The following COL5A1 variants were observed in gnomAD, a reference collection of about 807,000 sequenced individuals.
COL5A1 encodes the protein collagen type V alpha 1 chain, also known as collagen alpha-1(V) chain.
In COL5A1, 16 loss-of-function variants were observed where a neutral mutation model predicts 263.7. That is an observed-to-expected ratio of 0.06 (90% CI 0.04 to 0.09). The LOEUF (loss-of-function observed/expected upper bound fraction) is 0.09. COL5A1 is among the 10% of genes least tolerant of loss of function. The probability of loss-of-function intolerance (pLI) is 1.00; values close to 1 mark genes in which losing one functional copy is unlikely to be tolerated. For synonymous variants in COL5A1, 1,012 were observed against 1,004.5 expected (o/e 1.01, Z -0.14); for missense variants, 2,036 against 2,540.5 (o/e 0.80, Z 4.27).
chr9:134,745,813 C>T (rs567121902), intron 11 of COL5A1, among the ~76,000 whole-genome samples: 4 of 152,220 alleles, frequency 2.6e-5, no homozygotes, highest in South Asian at 2.1e-4. Context: ...TAGGCAGGGC[C>T]GCACCCCCTC....
intron 4 of COL5A1, among the ~76,000 whole-genome samples, chr9:134,703,643 T>G (rs1459666774): frequency 1.4e-4 from 19 of 137,834 alleles, no homozygotes; most frequent in African/African-American, 3.2e-4. Context: ...TTTTTTTTTT[T>G]TTTTTTTTTT....
chr9:134,793,502 C>T (rs1015141786), intron 32 of COL5A1, among the ~76,000 whole-genome samples: 3 of 152,082 alleles, frequency 2.0e-5, no homozygotes, highest in Admixed American at 6.6e-5. Context: ...GATGGCGTTG[C>T]GGTCGAGCCG....
At chr9:134,699,466 TCCCTCCCTCC>T (rs2132568496) in intron 2 of COL5A1, among the ~76,000 whole-genome samples, 1 of 150,472 alleles carries the variant, frequency 6.6e-6, no homozygotes, top group African/African-American at 2.5e-5. Context: ...TCCGTCTCTC[TCCCTCCCTCC>T]CCCTCCCTCC....
intron 18 of COL5A1, among the ~76,000 whole-genome samples, chr9:134,759,850 C>T (rs1378389133): frequency 1.4e-5 from 1 of 72,668 alleles, no homozygotes. Flanking sequence ...ACGCACACCC[C>T]CACACCCCCA....
chr9:134,730,458 A>T lies in COL5A1; in HGVS notation c.1147A>T (p.Thr383Ser). ...CGAAATTCCCACCAGCACCGCCGAC[A>T]CCTCCAACTCCTCCAATGTAATTTC... is the stretch of plus-strand genomic sequence containing the variant. Reference protein sequence around the residue: ...GAEIPTSTADTSNSSNPAPPP... With the variant: ...GAEIPTSTADSSNSSNPAPPP... The change falls in exon 7 of 66, where the codon ACC becomes TCC. Residue 383 changes from threonine (T) to serine (S), a missense_variant. By Grantham distance (58) the Thr-to-Ser change is moderately conservative (BLOSUM62 1). Transcript: ENST00000371817. 6.2e-7 allele frequency: 1 copy of T among 1,613,936 alleles called. No homozygotes were observed. The highest frequency in any genetic ancestry group is 8.5e-7 in the Non-Finnish European group (1 of 1,179,990).
chr9:134,814,850 C>T lies in COL5A1; in HGVS notation c.3960C>T (p.Ala1320=), dbSNP rs1057524173. Residue 1320 remains alanine (A), a synonymous_variant, in exon 50 of 66, where the codon GCC becomes GCT. Coordinates refer to ENST00000371817, the MANE Select transcript of COL5A1 (RefSeq NM_000093.5). ...GCGAGTCAGGCCCTTCAGGTGCTGC[C>T]GGACCCCCTGGACCCAAAGGCCCTC... ...EKGESGPSGA[A]GPPGPKGPPG... The T allele has an allele frequency of 2.7e-5, 42 of 1,551,560 alleles. No individual in the cohort carries two copies. Among genetic ancestry groups the T allele is most frequent in the Admixed American group, 3.9e-5 (2 of 51,066 alleles).
intron 26 of COL5A1, among the ~76,000 whole-genome samples, chr9:134,773,567 G>A (rs575658512): frequency 1.3e-5 from 2 of 152,220 alleles, no homozygotes; most frequent in African/African-American, 2.4e-5. Context: ...CTGCTCCAGG[G>A]TTCCAGAGGC....
chr9:134,775,500 A>G (rs2132749576), intron 27 of COL5A1, among the ~76,000 whole-genome samples: 1 of 152,300 alleles, frequency 6.6e-6, no homozygotes, highest in African/African-American at 2.4e-5. Flanking sequence ...CATGGGGCGC[A>G]CAGCTCCAGA....
Position 134,741,720 on chromosome 9 carries a change from G to A in COL5A1, c.1494+2912G>A, listed in dbSNP as rs550525223. On this transcript the variant is annotated intron_variant, in intron 11 of 65. Coordinates refer to ENST00000371817, the MANE Select transcript of COL5A1 (RefSeq NM_000093.5). This position sits in a 1 kb window ranked among gnomAD's most constrained non-coding sequence, Gnocchi z 4.5. The stretch of plus-strand genomic sequence containing the variant: ...TACTTGGCTTCAGCAGAAAATAGTC[G>A]TTCTGCAGGGGAGTGGCGTGCTCTG... Among the ~76,000 whole-genome samples, 26 of 152,238 alleles carry A rather than the reference G, an allele frequency of 1.7e-4. No individual in the cohort carries two copies. Among genetic ancestry groups the A allele is most frequent in the Middle Eastern group, 3.4e-3 (1 of 294 alleles).
chr9:134,771,157 G>A (rs1029596807), intron 25 of COL5A1, among the ~76,000 whole-genome samples: 1 of 152,254 alleles, frequency 6.6e-6, no homozygotes, highest in Admixed American at 6.5e-5. Context: ...AGGCCTGGGG[G>A]CTTCCTCGAG....
At chr9:134,790,601 CCCACCCAT>C (rs1179620175) in intron 32 of COL5A1, among the ~76,000 whole-genome samples, 3 of 84,050 alleles carry the variant, frequency 3.6e-5, no homozygotes, top group Admixed American at 1.2e-4. Context: ...TATCCATCCA[CCCACCCAT>C]CCATCCATCC....
intron 1 of COL5A1, among the ~76,000 whole-genome samples, chr9:134,689,249 G>C (rs1833186784): frequency 6.6e-6 from 1 of 151,998 alleles, no homozygotes; most frequent in Non-Finnish European, 1.5e-5. Context: ...AACCTGCGTG[G>C]CCATCCCATC....
intron 1 of COL5A1, among the ~76,000 whole-genome samples, chr9:134,662,189 C>G (rs994312676): frequency 2.0e-5 from 3 of 150,864 alleles, no homozygotes; most frequent in Non-Finnish European, 4.4e-5. Flanking sequence ...GTAGTCTGGT[C>G]TCTTTCTAGT....
chr9:134,684,606 T>A (rs1160653681), intron 1 of COL5A1, among the ~76,000 whole-genome samples: 1 of 152,202 alleles, frequency 6.6e-6, no homozygotes, highest in Non-Finnish European at 1.5e-5. Context: ...CAGCATCTCA[T>A]GTCCTGCAGC....
chr9:134,724,505 G>A (rs1475017651), intron 4 of COL5A1, among the ~76,000 whole-genome samples: 1 of 152,220 alleles, frequency 6.6e-6, no homozygotes. Context: ...GTGCGCAGTG[G>A]TTGTGATGCT....
intron 31 of COL5A1, 109 bp downstream of exon 31, chr9:134,786,157 G>A: frequency 9.5e-7 from 1 of 1,050,894 alleles, no homozygotes; most frequent in Non-Finnish European, 1.4e-6. Context: ...GTGGAAGGAT[G>A]TTCTGCCGAT....
chr9:134,837,094 A>G (rs1030670152), intron 65 of COL5A1, among the ~76,000 whole-genome samples: 1 of 152,212 alleles, frequency 6.6e-6, no homozygotes, highest in African/African-American at 2.4e-5. Flanking sequence ...TGTCTGACCC[A>G]CTGCAAGCCC....
chr9:134,719,985 G>A (rs1209628873), intron 4 of COL5A1, among the ~76,000 whole-genome samples: 2 of 152,108 alleles, frequency 1.3e-5, no homozygotes, highest in Non-Finnish European at 2.9e-5. Context: ...GGGACTGTGG[G>A]GACCATGGGC....
chr9:134,702,221 GT>G lies in COL5A1; in HGVS notation c.654+892del, dbSNP rs546059716. Among the ~76,000 whole-genome samples, 14 of 152,272 alleles carry G rather than the reference GT, an allele frequency of 9.2e-5. No homozygotes were observed. The East Asian group carries it at 2.3e-3, about 25-fold the overall frequency. ...CTTCCTTGTCGTTTATGTAAGTTGG[GT>G]TTTGCAGAAGATTTGGTTTTGCACC... On this transcript the variant is annotated intron_variant, in intron 4 of 65. Transcript: ENST00000371817.
Sources: gnomAD v4.1 joint callset for allele counts (sites outside exome capture counted in the v4.1 genomes callset) on GRCh38, gnomAD v4.1.1 for gene constraint, Gnocchi (gnomAD v3.1) non-coding constraint, MANE v1.5 for transcripts, NCBI Gene and HGNC (gene_info 2026-07-23, HGNC 2026-07-21) for gene names.